The following DIAPH2 variants were observed in gnomAD, a reference collection of about 807,000 sequenced individuals.
The protein encoded by DIAPH2 is protein diaphanous homolog 2.
DIAPH2 carries 35 observed loss-of-function variants against 92.7 expected under a neutral mutation model. The ratio of observed to expected loss-of-function variants is 0.38; its 90% CI spans 0.29 to 0.50. The LOEUF is 0.50. Among genes scored for constraint, DIAPH2 ranks in the 20% least tolerant of loss-of-function variants. DIAPH2 has a pLI of 0.94. For missense variants in DIAPH2, 701 were observed against 819.5 expected, an observed-to-expected ratio of 0.86 and a Z score of 1.77; for synonymous variants, 301 against 280.4, an observed-to-expected ratio of 1.07 and a Z score of -0.73.
chrX:96,743,590 A>G (rs2064132225), intron 3 of DIAPH2, among the ~76,000 whole-genome samples: 1 of 111,856 alleles, frequency 8.9e-6, no homozygotes, highest in Non-Finnish European at 1.9e-5. Context: ...GGCTAGGCAT[A>G]GAAAGACAAA....
intron 5 of DIAPH2, among the ~76,000 whole-genome samples, chrX:96,898,839 C>G (rs1442954362): frequency 2.1e-4 from 23 of 107,673 alleles, no homozygotes; most frequent in African/African-American, 7.0e-4. Flanking sequence ...AGGTTTTCTT[C>G]TAGGGTTTTT....
chrX:96,994,560 A>G (rs1045168763), intron 17 of DIAPH2, among the ~76,000 whole-genome samples: 1 of 111,536 alleles, frequency 9.0e-6, no homozygotes, highest in Non-Finnish European at 1.9e-5. Context: ...AAACCATGAG[A>G]ATGTATAAAA....
chrX:96,702,927 T>G (rs1490779479), intron 1 of DIAPH2, among the ~76,000 whole-genome samples: 1 of 111,608 alleles, frequency 9.0e-6, no homozygotes, highest in African/African-American at 3.3e-5. Flanking sequence ...TGACCTCATC[T>G]AATCCTTATT....
chrX:97,245,435 TC>T (rs1449683119), intron 22 of DIAPH2, among the ~76,000 whole-genome samples: 2 of 110,992 alleles, frequency 1.8e-5, no homozygotes, highest in African/African-American at 6.6e-5. Context: ...CATCTCATTT[TC>T]TTTTTTTTAA....
chrX:97,531,930 T>C (rs1466548669), intron 26 of DIAPH2, among the ~76,000 whole-genome samples: 1 of 112,679 alleles, frequency 8.9e-6, no homozygotes, highest in African/African-American at 3.2e-5. Flanking sequence ...ACTATTACTT[T>C]AGATTAGAGT....
intron 22 of DIAPH2, among the ~76,000 whole-genome samples, chrX:97,244,500 T>C (rs894470212): frequency 3.6e-5 from 4 of 112,030 alleles, no homozygotes; most frequent in Admixed American, 9.6e-5. Context: ...CCACGGTCTC[T>C]ATACCAAAAG....
intron 21 of DIAPH2, among the ~76,000 whole-genome samples, chrX:97,126,510 T>C: frequency 8.9e-6 from 1 of 112,300 alleles, no homozygotes; most frequent in African/African-American, 3.2e-5. Flanking sequence ...TGGAACCTTG[T>C]GCTAGATGCT....
chrX:97,186,979 A>G (rs1039260170), intron 22 of DIAPH2, among the ~76,000 whole-genome samples: 17 of 111,225 alleles, frequency 1.5e-4, no homozygotes, highest in East Asian at 5.7e-4. Context: ...CGTAAGGACC[A>G]CTCTCTTAAT....
At chrX:97,562,592 G>C (rs1174774734) in intron 26 of DIAPH2, among the ~76,000 whole-genome samples, 1 of 111,225 alleles carries the variant, frequency 9.0e-6, no homozygotes. Context: ...GCTTGCATGA[G>C]GCTGAGCCAG....
chrX:96,898,544 A>G (rs1410120383), intron 5 of DIAPH2, among the ~76,000 whole-genome samples: 2 of 98,993 alleles, frequency 2.0e-5, no homozygotes, highest in African/African-American at 7.0e-5. Context: ...GTGTCTGTTC[A>G]TGTCCTTCGC....
intron 26 of DIAPH2, among the ~76,000 whole-genome samples, chrX:97,453,145 T>A (rs186216739): frequency 9.0e-6 from 1 of 111,627 alleles, no homozygotes; most frequent in Admixed American, 9.5e-5. Context: ...TATACAAAGT[T>A]GTATATACTA....
At chrX:96,685,915 C>A (rs774929426) in intron 1 of DIAPH2, among the ~76,000 whole-genome samples, 2 of 111,991 alleles carry the variant, frequency 1.8e-5, no homozygotes, top group Admixed American at 1.9e-4. Context: ...CAAATCTCAC[C>A]GTGCTGATAG....
At chrX:97,150,206 A>G (rs2067276791) in intron 22 of DIAPH2, among the ~76,000 whole-genome samples, 1 of 111,874 alleles carries the variant, frequency 8.9e-6, no homozygotes, top group Non-Finnish European at 1.9e-5. Context: ...TTAGGAAAGA[A>G]AGTCATGTTT....
rs1451957709 is a variant in DIAPH2 at position 96,685,091 on chromosome X, G to C, written c.33G>C (p.Ala11=). 3 of 1,011,471 alleles carry C rather than the reference G, an allele frequency of 3.0e-6. No homozygotes were observed. The highest frequency in any genetic ancestry group is 7.0e-5 in the South Asian group (2 of 28,451). 83.4% of individuals were successfully genotyped at this position (1,011,471 alleles called of 1,213,427 possible). Residue 11 remains alanine, a synonymous_variant, in exon 1 of 27, where the codon GCG becomes GCC. Coordinates refer to ENST00000324765, the MANE Select transcript of DIAPH2 (RefSeq NM_006729.5). ...AGCCCGGGGCGGCGGCGTCGGGAGCGGGAGGCGGCAGCGAGGAACCCGGTG... is the reference window on the plus strand; with the variant it reads ...AGCCCGGGGCGGCGGCGTCGGGAGCCGGAGGCGGCAGCGAGGAACCCGGTG... The part of the protein sequence containing the change: MEQPGAAASG[A]GGGSEEPGGG...
At chrX:96,825,346 T>C (rs2064807543) in intron 4 of DIAPH2, among the ~76,000 whole-genome samples, 1 of 102,018 alleles carries the variant, frequency 9.8e-6, no homozygotes, top group African/African-American at 3.4e-5. Context: ...GATTACTACA[T>C]GTGTTTTCTT....
At chrX:96,747,280 A>G (rs1383555926) in intron 3 of DIAPH2, among the ~76,000 whole-genome samples, 3 of 112,091 alleles carry the variant, frequency 2.7e-5, no homozygotes, top group Non-Finnish European at 5.6e-5. Context: ...GTGGAGGTTC[A>G]GGTTGCATTG....
At chrX:97,066,704 C>T (rs67277145) in intron 17 of DIAPH2, among the ~76,000 whole-genome samples, 32,654 of 111,023 alleles carry the variant, frequency 0.29, 4,343 homozygotes, top group South Asian at 0.49. Flanking sequence ...TAGCTATGCA[C>T]GCTGTTAAAC....
rs147288802 is a variant in DIAPH2 at position 97,392,303 on chromosome X, C to T, written c.3145+8259C>T. On this transcript the variant is annotated intron_variant, in intron 25 of 26. Coordinates refer to ENST00000324765, the MANE Select transcript of DIAPH2 (RefSeq NM_006729.5). ...TAGAATATACTTGCTGCTGCTGACACGATGAAAGAGTCATTTTTATGCTTC... is the reference window on the plus strand; with the variant it reads ...TAGAATATACTTGCTGCTGCTGACATGATGAAAGAGTCATTTTTATGCTTC... Among the ~76,000 whole-genome samples, 72 of 111,332 alleles carry T rather than the reference C, an allele frequency of 6.5e-4. 2 individuals carry two copies. The East Asian group carries it at 0.017, about 26-fold the overall frequency.
At chrX:96,988,030 T>C (rs969494260) in intron 17 of DIAPH2, among the ~76,000 whole-genome samples, 2 of 110,282 alleles carry the variant, frequency 1.8e-5, no homozygotes, top group East Asian at 5.6e-4. Context: ...CCAGAAAGTA[T>C]GGGTTCCTTA....
Sources: allele counts gnomAD v4.1 joint callset (sites outside exome capture counted in the v4.1 genomes callset), GRCh38; gene constraint gnomAD v4.1.1; transcripts MANE v1.5; gene names NCBI Gene and HGNC (gene_info 2026-07-23, HGNC 2026-07-21).